The following CLDN14 variants were observed in gnomAD, a reference collection of about 807,000 sequenced individuals.
CLDN14 encodes claudin 14, also known as claudin-14.
Under a neutral mutation model 2.1 loss-of-function variants are expected in CLDN14, and 2 were observed. The ratio of observed to expected loss-of-function variants is 0.96; its 90% CI spans 0.39 to 3.01. The LOEUF (loss-of-function observed/expected upper bound fraction) is 3.01. CLDN14 is among the 30% of genes most tolerant of loss of function. The pLI is 0.09. For synonymous variants in CLDN14, 136 were observed against 154.4 expected (o/e 0.88, Z 0.88); for missense variants, 298 against 328.0 (o/e 0.91, Z 0.71).
At chr21:36,566,778 C>T (rs999062111) in intron 1 of CLDN14, among the ~76,000 whole-genome samples, 1 of 152,182 alleles carries the variant, frequency 6.6e-6, no homozygotes, top group Non-Finnish European at 1.5e-5. Context: ...TCACTTCTAG[C>T]CCCACTTTCC....
chr21:36,518,149 ATAAT>A, intron 1 of CLDN14, among the ~76,000 whole-genome samples: 1 of 152,178 alleles, frequency 6.6e-6, no homozygotes, highest in South Asian at 2.1e-4. Flanking sequence ...TCTGACTAAT[ATAAT>A]TATCCCAAAG....
intron 1 of CLDN14, among the ~76,000 whole-genome samples, chr21:36,529,295 T>TC: frequency 6.6e-6 from 1 of 152,238 alleles, no homozygotes; most frequent in East Asian, 1.9e-4. Flanking sequence ...ACCACATCTT[T>TC]TTTTTTTGAG....
intron 1 of CLDN14, among the ~76,000 whole-genome samples, chr21:36,559,644 T>C (rs1197397215): frequency 6.6e-6 from 1 of 152,254 alleles, no homozygotes; most frequent in Non-Finnish European, 1.5e-5. Flanking sequence ...AACAAAGCTT[T>C]TCATCAAGGA....
At chr21:36,506,562 A>G (rs1256664710) in intron 2 of CLDN14, among the ~76,000 whole-genome samples, 1 of 151,392 alleles carries the variant, frequency 6.6e-6, no homozygotes, top group Non-Finnish European at 1.5e-5. Context: ...GGGCCACTTC[A>G]CTGCAGCCTG....
chr21:36,488,225 C>CCTTCCTTCCTTCCTTT (rs2086918525), intron 2 of CLDN14, among the ~76,000 whole-genome samples: 1 of 125,746 alleles, frequency 8.0e-6, no homozygotes, highest in African/African-American at 3.0e-5. Flanking sequence ...GATTCCCCTT[C>CCTTCCTTCCTTCCTTT]CTTCCTTCCT....
intron 2 of CLDN14, chr21:36,486,073 G>T (rs1486929989): frequency 7.2e-7 from 1 of 1,392,858 alleles, no homozygotes; most frequent in Admixed American, 1.7e-5. Flanking sequence ...TGGCTTCATT[G>T]TTGGGATCCA....
chr21:36,558,557 GAA>G (rs1312111666), intron 1 of CLDN14, among the ~76,000 whole-genome samples: 1 of 152,070 alleles, frequency 6.6e-6, no homozygotes, highest in Non-Finnish European at 1.5e-5. Flanking sequence ...ATAAAGACAG[GAA>G]AGGAATAAAG....
intron 2 of CLDN14, among the ~76,000 whole-genome samples, chr21:36,489,117 G>GAAAAAAAAAAAAA (rs869298653): frequency 3.5e-5 from 2 of 57,008 alleles, no homozygotes; most frequent in African/African-American, 1.5e-4. Flanking sequence ...CTGTCTCAAA[G>GAAAAAAAAAAAAA]AAAAAAAAAA....
rs117745479 is a variant in CLDN14 at position 36,541,239 on chromosome 21, A to G, written c.-219-30739T>C. On this transcript the variant is annotated intron_variant, in intron 1 of 2. Coordinates refer to the CLDN14 transcript ENST00000342108. ...CCGTCAGTCAGTTTATCAATCGGGT[A>G]CTTGTTGAGGGCTTATCATGTATTA... Among the ~76,000 whole-genome samples the G allele has an allele frequency of 7.9e-5, 12 of 152,318 alleles. No homozygotes were observed. The East Asian group carries it at 1.2e-3, about 15-fold the overall frequency.
chr21:36,572,674 G>C (rs1365526903), intron 1 of CLDN14, among the ~76,000 whole-genome samples: 1 of 152,130 alleles, frequency 6.6e-6, no homozygotes, highest in Non-Finnish European at 1.5e-5. Context: ...CGGATGCTTT[G>C]GAAGACCCTG....
At chr21:36,500,758 T>C (rs539131247) in intron 2 of CLDN14, among the ~76,000 whole-genome samples, 188 of 152,350 alleles carry the variant, frequency 1.2e-3, no homozygotes, top group Non-Finnish European at 2.1e-3. Flanking sequence ...TAGCTCCCTC[T>C]TTCTTACATA....
chr21:36,565,354 G>A (rs887418046), intron 1 of CLDN14, among the ~76,000 whole-genome samples: 5 of 152,184 alleles, frequency 3.3e-5, no homozygotes, highest in South Asian at 4.1e-4. Flanking sequence ...AAACACCAGA[G>A]CCATTGGTCC....
At chr21:36,516,587 C>G (rs2087230648) in intron 1 of CLDN14, among the ~76,000 whole-genome samples, 1 of 152,160 alleles carries the variant, frequency 6.6e-6, no homozygotes, top group South Asian at 2.1e-4. Context: ...ATTTTACCAA[C>G]AAAGTACTAC....
chr21:36,571,126 C>T (rs901593038), intron 1 of CLDN14, among the ~76,000 whole-genome samples: 45 of 152,352 alleles, frequency 3.0e-4, no homozygotes, highest in Middle Eastern at 3.4e-3. Context: ...AGGCGTGAGC[C>T]GCCGTGCCCA....
intron 1 of CLDN14, among the ~76,000 whole-genome samples, chr21:36,553,104 G>A (rs377160): frequency 0.75 from 113,896 of 152,108 alleles, 44,132 homozygotes; most frequent in Non-Finnish European, 0.87. Context: ...CATTGGCTGG[G>A]CGTCACCAGC....
chr21:36,482,961 T>G (rs2086862780), upstream of CLDN14, among the ~76,000 whole-genome samples: 1 of 152,234 alleles, frequency 6.6e-6, no homozygotes, highest in Non-Finnish European at 1.5e-5. Context: ...AATTTAATCC[T>G]GAAACAGCCT....
At chr21:36,558,223 T>C (rs2087612009) in intron 1 of CLDN14, among the ~76,000 whole-genome samples, 1 of 152,256 alleles carries the variant, frequency 6.6e-6, no homozygotes, top group African/African-American at 2.4e-5. Context: ...GAACATGTGA[T>C]GCCTCCAGCT....
chr21:36,473,267 A>G (rs1003278121), intron 1 of CLDN14, among the ~76,000 whole-genome samples: 6 of 152,162 alleles, frequency 3.9e-5, no homozygotes, highest in African/African-American at 1.2e-4. Flanking sequence ...AAAATGTTTT[A>G]TAGAGATGGA....
At chr21:36,475,760 A>AT (rs2086771046) in intron 1 of CLDN14, among the ~76,000 whole-genome samples, 1 of 151,516 alleles carries the variant, frequency 6.6e-6, no homozygotes, top group Admixed American at 6.6e-5. Context: ...ATTTTATTTT[A>AT]TTTTTTTGAG....
Sources: allele counts gnomAD v4.1 joint callset (sites outside exome capture counted in the v4.1 genomes callset), GRCh38; gene constraint gnomAD v4.1.1; transcripts MANE v1.5; gene names NCBI Gene and HGNC (gene_info 2026-07-23, HGNC 2026-07-21).